Variants in FTO observed in about 807,000 individuals in gnomAD.
FTO encodes the protein alpha-ketoglutarate-dependent dioxygenase FTO.
FTO carries 47 observed loss-of-function variants against 63.9 expected under a neutral mutation model. The observed-to-expected ratio is 0.74, with a 90% confidence interval of 0.58 to 0.94. The LOEUF (loss-of-function observed/expected upper bound fraction) is 0.94, where lower values mean the gene tolerates loss of function less well. Ranked by LOEUF, FTO falls within the 40% of genes least tolerant of loss-of-function variation. FTO has a pLI of 0.00. For missense variants in FTO, 562 were observed against 618.1 expected (o/e 0.91, Z 0.96); for synonymous variants, 207 against 224.4 (o/e 0.92, Z 0.69).
At chr16:53,719,124 C>T (rs1335907051) in intron 1 of FTO, among the ~76,000 whole-genome samples, 3 of 152,170 alleles carry the variant, frequency 2.0e-5, no homozygotes, top group Non-Finnish European at 4.4e-5. Flanking sequence ...TCGTATTATG[C>T]TAGTATCATA....
At chr16:53,870,876 G>A (rs1331791722) in intron 4 of FTO, among the ~76,000 whole-genome samples, 1 of 151,950 alleles carries the variant, frequency 6.6e-6, no homozygotes, top group Non-Finnish European at 1.5e-5. Flanking sequence ...AATATAAATT[G>A]TTTCATTTTC....
intron 8 of FTO, chr16:53,991,732 C>T (rs2083816216): frequency 6.6e-6 from 1 of 152,178 alleles, no homozygotes; most frequent in African/African-American, 2.4e-5. Context: ...AGTGCCAGGA[C>T]AGATAGCTCT....
intron 8 of FTO, among the ~76,000 whole-genome samples, chr16:54,000,593 C>G (rs1365361640): frequency 6.6e-6 from 1 of 152,166 alleles, no homozygotes; most frequent in East Asian, 1.9e-4. Flanking sequence ...CACAGTGTCT[C>G]TAGGGACAGT....
chr16:53,739,510 G>A (rs2076482141), intron 1 of FTO, among the ~76,000 whole-genome samples: 1 of 151,942 alleles, frequency 6.6e-6, no homozygotes, highest in African/African-American at 2.4e-5. Context: ...CACTGTGCCT[G>A]GCCTACTATT....
chr16:53,938,961 G>C (rs2082457570), intron 8 of FTO, among the ~76,000 whole-genome samples: 1 of 151,988 alleles, frequency 6.6e-6, no homozygotes, highest in Non-Finnish European at 1.5e-5. Flanking sequence ...AGCCGGGCTT[G>C]GTGGCGGGTG....
chr16:53,876,331 T>C (rs971282371), intron 5 of FTO, among the ~76,000 whole-genome samples: 1 of 152,220 alleles, frequency 6.6e-6, no homozygotes, highest in Non-Finnish European at 1.5e-5. Context: ...CAGTAAACTT[T>C]GGTAATAATT....
chr16:53,985,491 A>G (rs138178303), intron 8 of FTO, among the ~76,000 whole-genome samples: 57 of 152,340 alleles, frequency 3.7e-4, no homozygotes, highest in African/African-American at 1.4e-3. Flanking sequence ...TTTTCCCACA[A>G]ATCTTTAAAT....
chr16:53,927,479 A>T (rs1224066616), intron 7 of FTO, among the ~76,000 whole-genome samples: 1 of 152,156 alleles, frequency 6.6e-6, no homozygotes, highest in Non-Finnish European at 1.5e-5. Flanking sequence ...GCTGTATGGG[A>T]CCAGAGCTTA....
chr16:53,756,392 G>A (rs1322663978), intron 1 of FTO, among the ~76,000 whole-genome samples: 1 of 152,170 alleles, frequency 6.6e-6, no homozygotes, highest in Admixed American at 6.5e-5. Context: ...GCCATAGGAA[G>A]CTTTTTAAAA....
chr16:53,748,786 C>T (rs185657046), intron 1 of FTO, among the ~76,000 whole-genome samples: 50 of 151,282 alleles, frequency 3.3e-4, no homozygotes, highest in African/African-American at 1.1e-3. Context: ...TTTTTTGAAA[C>T]GGATTCTTGC....
intron 1 of FTO, among the ~76,000 whole-genome samples, chr16:53,790,573 A>T (rs1248532016): frequency 7.0e-6 from 1 of 142,946 alleles, no homozygotes; most frequent in Non-Finnish European, 1.5e-5. Flanking sequence ...CAAAACCAAA[A>T]TAAAGCAAAA....
intron 8 of FTO, among the ~76,000 whole-genome samples, chr16:53,948,916 T>C (rs1025135920): frequency 2.6e-5 from 4 of 152,208 alleles, no homozygotes; most frequent in African/African-American, 9.6e-5. Flanking sequence ...CCTTGTGACC[T>C]TGTAACATTG....
intron 7 of FTO, among the ~76,000 whole-genome samples, chr16:53,902,300 A>G (rs1405242306): frequency 6.6e-6 from 1 of 152,128 alleles, no homozygotes; most frequent in Non-Finnish European, 1.5e-5. Flanking sequence ...GGGACCTGAG[A>G]GGTGATCATC....
At chr16:53,927,025 C>T (rs1051210455) in intron 7 of FTO, among the ~76,000 whole-genome samples, 1 of 152,104 alleles carries the variant, frequency 6.6e-6, no homozygotes, top group African/African-American at 2.4e-5. Flanking sequence ...GCCTAAAAAC[C>T]ACTATTATAG....
At chr16:53,831,789 A>G (rs10521307) in intron 3 of FTO, among the ~76,000 whole-genome samples, 44,623 of 152,138 alleles carry the variant, frequency 0.29, 6,832 homozygotes, top group Non-Finnish European at 0.32. Flanking sequence ...GCGGGAGCAC[A>G]TAGGCGGGAA....
At chr16:53,939,042 G>A (rs1162935054) in intron 8 of FTO, among the ~76,000 whole-genome samples, 1 of 152,106 alleles carries the variant, frequency 6.6e-6, no homozygotes, top group Non-Finnish European at 1.5e-5. Context: ...AGCTTGCAGT[G>A]AGCCGAGATG....
At chr16:53,841,997 A>G (rs2079491658) in intron 3 of FTO, among the ~76,000 whole-genome samples, 1 of 152,156 alleles carries the variant, frequency 6.6e-6, no homozygotes, top group Non-Finnish European at 1.5e-5. Flanking sequence ...ATGCTTTCTT[A>G]TGTCCTTTGG....
intron 8 of FTO, among the ~76,000 whole-genome samples, chr16:53,957,345 C>G (rs1435243104): frequency 2.0e-5 from 3 of 152,202 alleles, no homozygotes; most frequent in African/African-American, 7.2e-5. Flanking sequence ...GAATATAATT[C>G]ATTTTTATTC....
chr16:53,864,302 A>T (rs1195412042), intron 4 of FTO, among the ~76,000 whole-genome samples: 1 of 152,176 alleles, frequency 6.6e-6, no homozygotes, highest in Non-Finnish European at 1.5e-5. Flanking sequence ...TTTGGGTGAA[A>T]TGGCCCTGGT....
Sources: allele counts gnomAD v4.1 joint callset (sites outside exome capture counted in the v4.1 genomes callset), GRCh38; gene constraint gnomAD v4.1.1; transcripts MANE v1.5; gene names NCBI Gene and HGNC (gene_info 2026-07-23, HGNC 2026-07-21).